MROH2B: variants seen among roughly 807,000 people sequenced by gnomAD.
MROH2B encodes the protein maestro heat like repeat family member 2B, also known as maestro heat-like repeat-containing protein family member 2B.
A neutral mutation model predicts 208.6 loss-of-function variants in MROH2B; 177 were observed. The ratio of observed to expected loss-of-function variants is 0.85; its 90% CI spans 0.75 to 0.96. The LOEUF is 0.96. MROH2B is among the 40% of genes least tolerant of loss of function. The probability of loss-of-function intolerance (pLI) is 0.00; values close to 1 mark genes in which losing one functional copy is unlikely to be tolerated. For synonymous variants in MROH2B, 728 were observed against 659.0 expected (o/e 1.10, Z -1.60); for missense variants, 2,002 against 1,878.7 (o/e 1.07, Z -1.21).
intron 6 of MROH2B, among the ~76,000 whole-genome samples, chr5:41,058,955 G>A (rs996438899): frequency 6.6e-6 from 1 of 151,294 alleles, no homozygotes; most frequent in African/African-American, 2.4e-5. Context: ...GGCCGAAGCA[G>A]GAGAATCACT....
intron 33 of MROH2B, among the ~76,000 whole-genome samples, chr5:41,007,978 A>G (rs569856279): frequency 1.3e-5 from 2 of 152,236 alleles, no homozygotes; most frequent in African/African-American, 2.4e-5. Context: ...ATACGTGTTG[A>G]CTAAACGGTG....
chr5:41,065,088 A>C (rs1160785280), intron 4 of MROH2B, among the ~76,000 whole-genome samples: 1 of 152,216 alleles, frequency 6.6e-6, no homozygotes, highest in Non-Finnish European at 1.5e-5. Context: ...CTGCAAATGC[A>C]AAGCTGGATG....
chr5:41,063,691 G>A (rs779113840), intron 5 of MROH2B, among the ~76,000 whole-genome samples: 3 of 152,182 alleles, frequency 2.0e-5, no homozygotes, highest in Non-Finnish European at 4.4e-5. Flanking sequence ...GGAAGGGAAC[G>A]TAGCAATCAC....
intron 29 of MROH2B, 120 bp downstream of exon 29, chr5:41,015,261 G>C: frequency 1.2e-6 from 1 of 804,324 alleles, no homozygotes; most frequent in Non-Finnish European, 1.9e-6. Flanking sequence ...AAAATGACAG[G>C]ACCACGGGTC....
At chr5:41,008,538 C>G in intron 33 of MROH2B, 68 bp downstream of exon 33, 1 of 1,557,644 alleles carries the variant, frequency 6.4e-7, no homozygotes, top group Non-Finnish European at 8.7e-7. Flanking sequence ...ACCCTGACTT[C>G]TGCAGCACCA....
chr5:41,064,712 G>A (rs555963848), intron 4 of MROH2B, 142 bp from the exon 5 acceptor site: 40 of 576,828 alleles, frequency 6.9e-5, no homozygotes, highest in African/African-American at 5.0e-4. Flanking sequence ...CTATAATTCC[G>A]CCATCTCTAC....
At chr5:41,048,658 C>T (rs1006193495) in intron 15 of MROH2B, among the ~76,000 whole-genome samples, 193 bp from the exon 16 acceptor site, 9 of 152,034 alleles carry the variant, frequency 5.9e-5, no homozygotes, top group Admixed American at 5.9e-4. Context: ...ATTTCTTTTT[C>T]CCTGAGGATA....
intron 2 of MROH2B, among the ~76,000 whole-genome samples, chr5:41,069,041 A>G (rs938555879): frequency 2.0e-5 from 3 of 152,162 alleles, no homozygotes; most frequent in Non-Finnish European, 4.4e-5. Context: ...TTTTGGAGTC[A>G]GATGGGCTTG....
intron 37 of MROH2B, among the ~76,000 whole-genome samples, chr5:41,002,926 G>T (rs1172853154): frequency 1.3e-5 from 2 of 151,316 alleles, no homozygotes; most frequent in Admixed American, 1.3e-4. Context: ...TTTTACCCCA[G>T]TAAGCATTTT....
At chr5:41,070,719 T>C (rs1743962224) in intron 1 of MROH2B, 106 bp downstream of exon 1, 5 of 1,099,974 alleles carry the variant, frequency 4.5e-6, no homozygotes, top group Admixed American at 4.1e-5. Context: ...AGGTGTACAG[T>C]CCTCCCACAA....
chr5:41,046,118 A>G (rs949764213), intron 17 of MROH2B, among the ~76,000 whole-genome samples: 6 of 152,140 alleles, frequency 3.9e-5, no homozygotes, highest in African/African-American at 1.2e-4. Flanking sequence ...AAATATTGCT[A>G]AAAGACCTAA....
chr5:41,007,363 G>T lies in MROH2B; in HGVS notation c.3700C>A (p.Leu1234Ile), dbSNP rs1487073612. ...TGGTGGGTACTAGGACTGCTGAGTA[G>T]AGTCCATAAGTTGTCCCCCTCATCA... The part of the protein sequence containing the change: ...ESDEGDNLWT[L>I]LSSPSTHHIG... The change falls in exon 34 of 42, where the codon CTA becomes ATA. Residue 1234 changes from leucine (L) to isoleucine (I), a missense_variant. Leu to Ile is a conservative substitution (Grantham distance 5, BLOSUM62 2). Transcript: ENST00000399564. 12 of 1,543,908 alleles carry T rather than the reference G, an allele frequency of 7.8e-6. No individual in the cohort carries two copies. The highest frequency in any genetic ancestry group is 1.1e-5 in the Non-Finnish European group (12 of 1,142,696).
At chr5:41,007,565 GA>G in intron 33 of MROH2B, 111 bp from the exon 34 acceptor site, 2 of 1,072,126 alleles carry the variant, frequency 1.9e-6, no homozygotes, top group Non-Finnish European at 2.4e-6. Context: ...TGGACTAGGG[GA>G]TGTTGTGTAA....
chr5:41,055,714 C>G (rs1451956494), intron 10 of MROH2B, 28 bp downstream of exon 10: 1 of 1,561,066 alleles, frequency 6.4e-7, no homozygotes, highest in South Asian at 1.1e-5. Flanking sequence ...ATGAAATAAA[C>G]CATGTTGGCT....
intron 6 of MROH2B, 57 bp downstream of exon 6, chr5:41,061,513 G>T (rs1357746763): frequency 3.2e-5 from 44 of 1,376,660 alleles, no homozygotes; most frequent in African/African-American, 7.3e-5. Flanking sequence ...AAAGAGAAGA[G>T]AAATTTCAAC....
chr5:41,059,897 C>T (rs531593898), intron 6 of MROH2B, among the ~76,000 whole-genome samples: 6 of 152,268 alleles, frequency 3.9e-5, no homozygotes, highest in African/African-American at 1.2e-4. Flanking sequence ...AATGATGATA[C>T]CCAAATCTAT....
chr5:41,009,299 G>C lies in MROH2B; in HGVS notation c.3401C>G (p.Ala1134Gly), dbSNP rs773373740. 2.4e-5 allele frequency: 39 copies of C among 1,613,860 alleles called. No homozygotes were observed. Among genetic ancestry groups the C allele is most frequent in the Non-Finnish European group, 3.2e-5 (38 of 1,179,780 alleles). ...KLETELEDDI[A>G]RVEAISVACA... is the part of the protein sequence containing the mutation. ...ACTCACTGAAATTGCCTCAACCCTG[G>C]CGATGTCATCTTCTAACTCAGTCTC... Residue 1134 changes from alanine to glycine, a missense_variant, in exon 32 of 42, where the codon GCC becomes GGC. By Grantham distance (60) the Ala-to-Gly change is moderately conservative. Coordinates refer to ENST00000399564, the MANE Select transcript of MROH2B (RefSeq NM_173489.5).
Position 40,998,637 on chromosome 5 carries a change from T to G in MROH2B, c.4626A>C (p.Leu1542Phe). 6.3e-7 allele frequency: 1 copy of G among 1,596,136 alleles called. No homozygotes were observed. The highest frequency in any genetic ancestry group is 1.1e-5 in the South Asian group (1 of 87,656). ...GTGTGGTCAGTTGTTCTCTGTCTAG[T>G]AACTCCACATATTGGCTGGTCAAAT... ...VLNLTSQYVE[L>F]LDREQLTTRL... Residue 1542 changes from leucine (L) to phenylalanine (F), a missense_variant, in exon 41 of 42, where the codon TTA becomes TTC. Physicochemically the swap from Leu to Phe is conservative, Grantham distance 22. Transcript: ENST00000399564.
intron 28 of MROH2B, among the ~76,000 whole-genome samples, chr5:41,017,194 CAT>C (rs1420926540): frequency 6.6e-6 from 1 of 152,208 alleles, no homozygotes; most frequent in African/African-American, 2.4e-5. Flanking sequence ...CTTGGTGAAA[CAT>C]GGACTCAATT....
Sources: gnomAD v4.1 joint callset for allele counts (sites outside exome capture counted in the v4.1 genomes callset) on GRCh38, gnomAD v4.1.1 for gene constraint, MANE v1.5 for transcripts, NCBI Gene and HGNC (gene_info 2026-07-23, HGNC 2026-07-21) for gene names.